Variants in GTF2B observed in about 807,000 individuals in gnomAD.
GTF2B encodes transcription initiation factor IIB.
Under a neutral mutation model 34.6 loss-of-function variants are expected in GTF2B, and 20 were observed. The ratio of observed to expected loss-of-function variants is 0.58; its 90% confidence interval spans 0.41 to 0.84. The LOEUF (loss-of-function observed/expected upper bound fraction) is 0.84. Ranked by LOEUF, GTF2B falls within the 40% of genes least tolerant of loss-of-function variation. The pLI is 0.00. For missense variants in GTF2B, 237 were observed against 393.3 expected, an observed-to-expected ratio of 0.60 and a Z score of 3.36; for synonymous variants, 142 against 132.4, an observed-to-expected ratio of 1.07 and a Z score of -0.50.
At position 88,857,335 on chromosome 1, in the gene GTF2B, T is replaced by C; in HGVS notation, c.688A>G (p.Met230Val). 1 of 1,613,850 alleles carries C rather than the reference T, an allele frequency of 6.2e-7. No individual in the cohort carries two copies. Among genetic ancestry groups the C allele is most frequent in the Non-Finnish European group, 8.5e-7 (1 of 1,179,744 alleles). ...TTACGGGCTATATGTGTAGCTGCCA[T>C]CTGTACTTGTTTAGGAAGACAAAGG... ...SNLCLPKQVQ[M>V]AATHIARKAV... The change falls in exon 6 of 7, where the codon ATG becomes GTG. Residue 230 changes from methionine to valine, a missense_variant. By Grantham distance (21) the Met-to-Val change is conservative. Coordinates refer to ENST00000370500, the MANE Select transcript of GTF2B (RefSeq NM_001514.6).
At chr1:88,855,449 T>A (rs1673283682) in intron 6 of GTF2B, among the ~76,000 whole-genome samples, 1 of 151,158 alleles carries the variant, frequency 6.6e-6, no homozygotes, top group African/African-American at 2.4e-5. Flanking sequence ...GCCTCCCAAG[T>A]TCAAGAGATT....
chr1:88,874,314 ATTTTG>A (rs762272962), intron 2 of GTF2B, among the ~76,000 whole-genome samples: 29 of 151,826 alleles, frequency 1.9e-4, no homozygotes, highest in Non-Finnish European at 2.8e-4. Context: ...GGAATTTAAA[ATTTTG>A]TTTTATTTTT....
chr1:88,881,425 T>C (rs144259311), intron 2 of GTF2B, among the ~76,000 whole-genome samples: 1,632 of 152,274 alleles, frequency 0.011, 20 homozygotes, highest in Non-Finnish European at 0.015. Flanking sequence ...AATCTAAATG[T>C]ACTATTGATA....
chr1:88,874,879 T>C (rs1406176844), intron 2 of GTF2B, among the ~76,000 whole-genome samples: 1 of 152,100 alleles, frequency 6.6e-6, no homozygotes, highest in African/African-American at 2.4e-5. Context: ...CTGAACGTAT[T>C]ATTATTCAAC....
chr1:88,888,757 A>G (rs1046971855), intron 1 of GTF2B, among the ~76,000 whole-genome samples: 4 of 152,370 alleles, frequency 2.6e-5, no homozygotes, highest in Non-Finnish European at 4.4e-5. Context: ...ACCATACACC[A>G]TAACATGGAT....
intron 2 of GTF2B, among the ~76,000 whole-genome samples, chr1:88,870,677 T>C (rs1160721280): frequency 1.3e-5 from 2 of 152,204 alleles, no homozygotes; most frequent in Non-Finnish European, 2.9e-5. Context: ...ACATATTCCA[T>C]TTCCAATGCT....
chr1:88,881,933 T>C (rs996591914), intron 2 of GTF2B, among the ~76,000 whole-genome samples: 1 of 152,140 alleles, frequency 6.6e-6, no homozygotes, highest in Non-Finnish European at 1.5e-5. Flanking sequence ...CCTTTTTCAG[T>C]TGATTAATCT....
At chr1:88,873,146 C>A (rs1356249644) in intron 2 of GTF2B, among the ~76,000 whole-genome samples, 1 of 151,644 alleles carries the variant, frequency 6.6e-6, no homozygotes, top group Non-Finnish European at 1.5e-5. Context: ...TAATAGATGA[C>A]CCAAACAAGA....
chr1:88,879,676 G>GT (rs756146733), intron 2 of GTF2B, among the ~76,000 whole-genome samples: 1 of 151,964 alleles, frequency 6.6e-6, no homozygotes, highest in Non-Finnish European at 1.5e-5. Context: ...AAGTTGGGCC[G>GT]TATCTATGCT....
At chr1:88,871,742 T>G (rs149056969) in intron 2 of GTF2B, among the ~76,000 whole-genome samples, 1 of 152,290 alleles carries the variant, frequency 6.6e-6, no homozygotes, top group Non-Finnish European at 1.5e-5. Context: ...TTATTATTAT[T>G]CTTTTTGAGA....
intron 2 of GTF2B, among the ~76,000 whole-genome samples, chr1:88,870,896 CT>C (rs1022965980): frequency 0.063 from 6,876 of 109,292 alleles, 138 homozygotes; most frequent in African/African-American, 0.17. Context: ...CTTACACAGT[CT>C]TTTTTTTTTT....
chr1:88,872,299 C>T (rs375784290), intron 2 of GTF2B, among the ~76,000 whole-genome samples: 124 of 151,234 alleles, frequency 8.2e-4, no homozygotes, highest in African/African-American at 2.8e-3. Flanking sequence ...ACTAAAAATA[C>T]GAAATTAGAT....
Position 88,891,505 on chromosome 1 carries a change from C to A in GTF2B, c.-6G>T, listed in dbSNP as rs1008845761. 1.2e-6 allele frequency: 2 copies of A among 1,601,448 alleles called. No homozygotes were observed. The highest frequency in any genetic ancestry group is 2.3e-5 in the East Asian group (1 of 44,178). Reference sequence around the variant, plus strand: ...AACCGGCTGGTAGACGCCATCTTCACGGCGACTGCGGTGCCCGCAACAAGA... The same window carrying A: ...AACCGGCTGGTAGACGCCATCTTCAAGGCGACTGCGGTGCCCGCAACAAGA... On this transcript the variant is annotated 5_prime_UTR_variant, in exon 1 of 7. Transcript: ENST00000370500.
intron 2 of GTF2B, among the ~76,000 whole-genome samples, chr1:88,878,929 T>A (rs746232300): frequency 6.6e-6 from 1 of 152,184 alleles, no homozygotes. Flanking sequence ...GAAGTTATCA[T>A]AGAAGCAGAT....
intron 5 of GTF2B, among the ~76,000 whole-genome samples, chr1:88,857,691 C>CTTTTTTTTTTTTTTTTTTTTTTTTT (rs368010048): frequency 9.2e-6 from 1 of 108,152 alleles, no homozygotes; most frequent in Non-Finnish European, 1.8e-5. Flanking sequence ...TTCATCACAC[C>CTTTTTTTTTTTTTTTTTTTTTTTTT]TTTTTTTTTG....
intron 2 of GTF2B, among the ~76,000 whole-genome samples, chr1:88,885,399 C>T (rs1339465418): frequency 1.3e-5 from 2 of 151,414 alleles, no homozygotes; most frequent in South Asian, 2.1e-4. Context: ...GGGATCGCAC[C>T]ACGGCACTCC....
In GTF2B at chr1:88,856,272, C is replaced by CAAAAAAA. The variant is rs377030804; in HGVS notation, c.817+927_817+933dup. ...CAACAGAGGGAGACTGTTTCAAAAA[C>CAAAAAAA]AAAAAAAAAAAAAAAAAACAAAAAA... On this transcript the variant is annotated intron_variant, in intron 6 of 6. Coordinates refer to ENST00000370500, the MANE Select transcript of GTF2B (RefSeq NM_001514.6). 3.6e-3 allele frequency among the ~76,000 whole-genome samples: 181 copies of CAAAAAAA among 49,968 alleles called. 8 individuals carry two copies. The highest frequency in any genetic ancestry group is 0.022 in the Middle Eastern group (1 of 46). 32.8% of individuals were successfully genotyped at this position (49,968 alleles called of 152,430 possible).
chr1:88,865,021 C>G (rs956975331), intron 2 of GTF2B, among the ~76,000 whole-genome samples: 3 of 152,148 alleles, frequency 2.0e-5, no homozygotes, highest in Admixed American at 1.3e-4. Context: ...TGTGATGAAG[C>G]TGAAAGTAGG....
chr1:88,873,207 T>G (rs1673739692), intron 2 of GTF2B, among the ~76,000 whole-genome samples: 1 of 141,190 alleles, frequency 7.1e-6, no homozygotes, highest in Non-Finnish European at 1.5e-5. Flanking sequence ...TTTTTTTTTT[T>G]GAGACAGAGT....
Sources: gnomAD v4.1 joint callset for allele counts (sites outside exome capture counted in the v4.1 genomes callset) on GRCh38, gnomAD v4.1.1 for gene constraint, MANE v1.5 for transcripts, NCBI Gene and HGNC (gene_info 2026-07-23, HGNC 2026-07-21) for gene names.